Variants in FAM107B observed in about 807,000 individuals in gnomAD.
The protein encoded by FAM107B is family with sequence similarity 107 member B.
A neutral mutation model predicts 31.5 loss-of-function variants in FAM107B; 21 were observed. The observed-to-expected ratio is 0.67, with a 90% CI of 0.47 to 0.96. The LOEUF is 0.96. Among genes scored for constraint, FAM107B ranks in the 40% least tolerant of loss-of-function variants. The probability of loss-of-function intolerance (pLI) is 0.00; values close to 1 mark genes in which losing one functional copy is unlikely to be tolerated. For missense variants in FAM107B, 452 were observed against 377.1 expected (o/e 1.20, Z -1.64); for synonymous variants, 157 against 141.5 (o/e 1.11, Z -0.78).
intron 2 of FAM107B, among the ~76,000 whole-genome samples, chr10:14,554,777 C>A (rs1208151576): frequency 6.6e-6 from 1 of 152,196 alleles, no homozygotes; most frequent in Non-Finnish European, 1.5e-5. Context: ...CAAATGCTAT[C>A]CCCTCCAATC....
chr10:14,550,552 G>A (rs897165294), intron 2 of FAM107B, among the ~76,000 whole-genome samples: 1 of 152,190 alleles, frequency 6.6e-6, no homozygotes, highest in South Asian at 2.1e-4. Flanking sequence ...GTATGACTCA[G>A]GGAAAGAACA....
At chr10:14,690,593 C>T (rs1049133535) in intron 1 of FAM107B, among the ~76,000 whole-genome samples, 2 of 152,218 alleles carry the variant, frequency 1.3e-5, no homozygotes, top group African/African-American at 4.8e-5. Flanking sequence ...GCTGGGACTA[C>T]AGTTGCGCGC....
intron 2 of FAM107B, chr10:14,556,386 G>T: frequency 1.0e-6 from 1 of 985,448 alleles, no homozygotes; most frequent in Non-Finnish European, 1.2e-6. Flanking sequence ...ACTGTTCAGG[G>T]CTTGACCAGG....
chr10:14,597,174 G>A (rs979279197), intron 2 of FAM107B, among the ~76,000 whole-genome samples: 8 of 152,110 alleles, frequency 5.3e-5, no homozygotes, highest in African/African-American at 1.7e-4. Context: ...CTCTACATAC[G>A]CATATGCACA....
At chr10:14,524,173 C>T (rs12777619) in intron 3 of FAM107B, among the ~76,000 whole-genome samples, 25,721 of 151,942 alleles carry the variant, frequency 0.17, 2,639 homozygotes, top group Middle Eastern at 0.27. Context: ...TCCCGAGGAG[C>T]TGGGATTACA....
At chr10:14,729,047 C>T (rs1259067573) in intron 1 of FAM107B, among the ~76,000 whole-genome samples, 1 of 152,042 alleles carries the variant, frequency 6.6e-6, no homozygotes, top group Non-Finnish European at 1.5e-5. Context: ...GGCTGGAGTA[C>T]AGTGGTGCAT....
At chr10:14,728,682 C>T (rs7910410) in intron 1 of FAM107B, among the ~76,000 whole-genome samples, 1,671 of 152,272 alleles carry the variant, frequency 0.011, 32 homozygotes, top group African/African-American at 0.037. Flanking sequence ...TGTGGGGGGA[C>T]ACACGTGCTT....
At chr10:14,650,911 A>T (rs1210537746) in intron 2 of FAM107B, among the ~76,000 whole-genome samples, 1 of 152,238 alleles carries the variant, frequency 6.6e-6, no homozygotes, top group Non-Finnish European at 1.5e-5. Flanking sequence ...GGATAAGTTC[A>T]GCGTTAAGTG....
chr10:14,577,471 C>T (rs1389944058), intron 2 of FAM107B, among the ~76,000 whole-genome samples: 2 of 152,168 alleles, frequency 1.3e-5, no homozygotes, highest in African/African-American at 2.4e-5. Context: ...TTTACAGCTA[C>T]GTATATAAAC....
intron 1 of FAM107B, among the ~76,000 whole-genome samples, chr10:14,767,051 TATATAGAG>T (rs1328617299): frequency 1.9e-3 from 59 of 31,808 alleles, no homozygotes; most frequent in African/African-American, 5.9e-3. Context: ...TATATATATA[TATATAGAG>T]AGAGAGAGAG....
rs979375540 is a variant in FAM107B, at chr10:14,600,656, T to C, written c.469+66978A>G. Among the ~76,000 whole-genome samples, 4 of 152,212 alleles carry C rather than the reference T, an allele frequency of 2.6e-5. No individual in the cohort carries two copies. In the South Asian group the frequency reaches 8.3e-4, roughly 32 times the overall value. On this transcript the variant is annotated intron_variant, in intron 2 of 4. Transcript: ENST00000181796. ...TTTATGTATATGTATATGTATTTTT[T>C]AGCGACAGGCTCTCACTCTGTCACC...
In FAM107B at chr10:14,774,867, A is replaced by C; in HGVS notation, c.-204T>G. On this transcript the variant is annotated 5_prime_UTR_variant, in exon 1 of 5. An upstream start codon of the reference 5' UTR is lost. Transcript: ENST00000181796. ...CGCTGGGGCCCCTTTGAAAGTGTCC[A>C]TCCTGGGCAATTTCGCGCTCTTCCT... The C allele has an allele frequency of 8.5e-6, 5 of 591,460 alleles. No individual in the cohort carries two copies. The allele number at this position is 591,460 out of a possible 1,614,324, so 36.6% of individuals were successfully genotyped here. A position where few individuals can be genotyped will look rare whatever the true frequency, so the allele number is the denominator to read the frequency against.
chr10:14,565,049 G>A (rs1176508025), intron 2 of FAM107B, among the ~76,000 whole-genome samples: 1 of 152,116 alleles, frequency 6.6e-6, no homozygotes, highest in Non-Finnish European at 1.5e-5. Context: ...GCGAGACCCT[G>A]TCTCTAAAAA....
chr10:14,752,812 G>T (rs981421179), intron 1 of FAM107B, among the ~76,000 whole-genome samples: 3 of 151,966 alleles, frequency 2.0e-5, no homozygotes, highest in African/African-American at 7.3e-5. Context: ...CATGCCTGTG[G>T]TCCCAGCTAC....
chr10:14,708,657 T>C (rs1855572976), intron 1 of FAM107B, among the ~76,000 whole-genome samples: 1 of 152,148 alleles, frequency 6.6e-6, no homozygotes, highest in African/African-American at 2.4e-5. Flanking sequence ...AAGTTAAAAA[T>C]TTCTGATCCG....
intron 1 of FAM107B, among the ~76,000 whole-genome samples, chr10:14,689,470 T>A (rs12570175): frequency 6.7e-6 from 1 of 150,000 alleles, no homozygotes; most frequent in African/African-American, 2.5e-5. Context: ...AATGCTAGAG[T>A]AGACTTTACA....
At position 14,688,157 on chromosome 10, in the gene FAM107B, C is replaced by A. The variant is rs1855035716; in HGVS notation, c.412-20466G>T. On this transcript the variant is annotated intron_variant, in intron 1 of 4. Transcript: ENST00000181796. ...TCTCTCCTGTGCTGGATGCTTCCTG[C>A]CCTTGAACATCAGATTCCAAGTTCT... is the stretch of plus-strand genomic sequence containing the variant. Among the ~76,000 whole-genome samples, 3 of 152,314 alleles carry A rather than the reference C, an allele frequency of 2.0e-5. No homozygotes were observed. The South Asian group carries it at 6.2e-4, about 32-fold the overall frequency.
intron 2 of FAM107B, among the ~76,000 whole-genome samples, chr10:14,615,328 C>CA (rs1463605462): frequency 6.7e-6 from 1 of 149,532 alleles, no homozygotes; most frequent in Non-Finnish European, 1.5e-5. Flanking sequence ...GACACCATCT[C>CA]AAAAAAACAA....
intron 1 of FAM107B, among the ~76,000 whole-genome samples, chr10:14,691,226 A>G (rs1413686839): frequency 6.6e-6 from 1 of 152,098 alleles, no homozygotes; most frequent in East Asian, 1.9e-4. Context: ...TAATTTGGGG[A>G]TCAGAAAATA....
Sources: gnomAD v4.1 joint callset for allele counts (sites outside exome capture counted in the v4.1 genomes callset) on GRCh38, gnomAD v4.1.1 for gene constraint, MANE v1.5 for transcripts, NCBI Gene and HGNC (gene_info 2026-07-23, HGNC 2026-07-21) for gene names.